CLIC5: variants seen among roughly 807,000 people sequenced by gnomAD.
CLIC5 encodes CLIC family member 5, also known as chloride intracellular channel protein 5.
In CLIC5, 20 loss-of-function variants were observed where a neutral mutation model predicts 24.7. The ratio of observed to expected loss-of-function variants is 0.81; its 90% CI spans 0.57 to 1.18. CLIC5 has a LOEUF of 1.18. Among genes scored for constraint, CLIC5 ranks in the 50% most tolerant of loss-of-function variants. The pLI is 0.00. For synonymous variants in CLIC5, 159 were observed against 135.6 expected (o/e 1.17, Z -1.20); for missense variants, 341 against 326.1 (o/e 1.05, Z -0.35).
intron 6 of CLIC5, among the ~76,000 whole-genome samples, chr6:45,886,363 A>G (rs9472602): frequency 0.83 from 126,686 of 152,218 alleles, 52,827 homozygotes; most frequent in East Asian, 0.94. Context: ...CACCCTGAGC[A>G]GCCCCACCCT....
intron 5 of CLIC5, among the ~76,000 whole-genome samples, chr6:45,910,419 A>G (rs533878058): frequency 4.0e-4 from 61 of 152,316 alleles, no homozygotes; most frequent in African/African-American, 1.4e-3. Context: ...TCTTATCTGT[A>G]CATCAGACAA....
intron 6 of CLIC5, among the ~76,000 whole-genome samples, chr6:45,889,952 G>C (rs1310214512): frequency 2.6e-5 from 4 of 152,148 alleles, no homozygotes; most frequent in African/African-American, 9.7e-5. Flanking sequence ...ACACTATATA[G>C]ATGTTACAAA....
chr6:45,927,943 T>G (rs4714890), intron 4 of CLIC5, among the ~76,000 whole-genome samples: 54,907 of 151,962 alleles, frequency 0.36, 10,123 homozygotes, highest in East Asian at 0.49. Context: ...TCAAATGTAT[T>G]CGCAAGGTAG....
chr6:45,999,732 G>GTTTTTT (rs1201850451), intron 1 of CLIC5, among the ~76,000 whole-genome samples: 12 of 50,850 alleles, frequency 2.4e-4, no homozygotes, highest in Admixed American at 5.0e-4. Flanking sequence ...CTTCCTTGTG[G>GTTTTTT]TTTTTTTTTT....
chr6:45,929,239 A>G lies in CLIC5; in HGVS notation c.406+12308T>C, dbSNP rs3777563. Reference sequence around the variant, plus strand: ...ATTTGTTAAATTATAAATTGGAAGCATCCACCTCAATAATGAACCAAATCA... The same window carrying G: ...ATTTGTTAAATTATAAATTGGAAGCGTCCACCTCAATAATGAACCAAATCA... On this transcript the variant is annotated intron_variant, in intron 4 of 5. Transcript: ENST00000339561. Among the ~76,000 whole-genome samples the G allele has an allele frequency of 7.4e-3, 1,129 of 152,320 alleles. 114 individuals carry two copies. In the East Asian group the frequency reaches 0.19, roughly 26 times the overall value.
At chr6:46,085,382 G>GT in the CLIC5 span, among the ~76,000 whole-genome samples, 5 of 152,118 alleles carry the variant, frequency 3.3e-5, no homozygotes, top group Admixed American at 2.0e-4. Context: ...TTTCTGCTCC[G>GT]TTTTTTCCCC....
chr6:46,102,807 C>G, the CLIC5 span: 1 of 152,094 alleles, frequency 6.6e-6, no homozygotes, highest in Admixed American at 6.5e-5. Context: ...TATGTAACGT[C>G]CCCTGATTCC....
chr6:45,933,992 G>A (rs1383045975), intron 4 of CLIC5, among the ~76,000 whole-genome samples: 1 of 152,158 alleles, frequency 6.6e-6, no homozygotes, highest in Non-Finnish European at 1.5e-5. Flanking sequence ...TCACAGGAGG[G>A]GAGAGCCAAA....
the CLIC5 span, among the ~76,000 whole-genome samples, chr6:46,101,028 G>A: frequency 1.2e-4 from 18 of 152,280 alleles, no homozygotes; most frequent in South Asian, 1.0e-3. Flanking sequence ...AAGAATTCCC[G>A]TGGAAACTTC....
At chr6:45,963,877 T>C (rs550135500) in intron 1 of CLIC5, among the ~76,000 whole-genome samples, 146 of 152,292 alleles carry the variant, frequency 9.6e-4, no homozygotes, top group African/African-American at 3.0e-3. Flanking sequence ...GTTATTACTA[T>C]TTTTCAAAAC....
intron 5 of CLIC5, among the ~76,000 whole-genome samples, chr6:45,909,022 G>A (rs1762738345): frequency 6.6e-6 from 1 of 150,770 alleles, no homozygotes; most frequent in South Asian, 2.1e-4. Flanking sequence ...TTACTATTAT[G>A]TAATGCCCTT....
At chr6:45,951,008 A>T (rs919207996) in intron 2 of CLIC5, among the ~76,000 whole-genome samples, 11 of 152,326 alleles carry the variant, frequency 7.2e-5, no homozygotes, top group East Asian at 5.8e-4. Context: ...AAGTAAATGC[A>T]ACTTCTGCTT....
the CLIC5 span, among the ~76,000 whole-genome samples, chr6:46,114,552 G>T: frequency 6.6e-6 from 1 of 152,080 alleles, no homozygotes; most frequent in Non-Finnish European, 1.5e-5. Context: ...TCCTGTATAG[G>T]TACTTGCCCT....
chr6:46,016,836 G>C (rs1306388968), upstream of CLIC5, among the ~76,000 whole-genome samples: 1 of 152,152 alleles, frequency 6.6e-6, no homozygotes, highest in Non-Finnish European at 1.5e-5. Flanking sequence ...TGGAATGTTG[G>C]TGTCTGGCTT....
At chr6:46,033,595 C>T (rs1413846969) in intron 1 of CLIC5, among the ~76,000 whole-genome samples, 1 of 152,218 alleles carries the variant, frequency 6.6e-6, no homozygotes, top group African/African-American at 2.4e-5. Flanking sequence ...AATGGGCCCA[C>T]ACATGGGAAG....
intron 4 of CLIC5, chr6:45,920,406 G>A (rs917327377): frequency 1.7e-6 from 1 of 589,898 alleles, no homozygotes; most frequent in African/African-American, 2.0e-5. Context: ...AATACCTGGA[G>A]CACTGAATGA....
intron 1 of CLIC5, among the ~76,000 whole-genome samples, chr6:46,006,410 C>T (rs1407237822): frequency 6.6e-6 from 1 of 151,686 alleles, no homozygotes; most frequent in Non-Finnish European, 1.5e-5. Flanking sequence ...TCCCAAAGTG[C>T]TGGGATTACA....
chr6:45,926,200 C>T (rs1763478807), intron 4 of CLIC5, among the ~76,000 whole-genome samples: 1 of 150,382 alleles, frequency 6.6e-6, no homozygotes, highest in Non-Finnish European at 1.5e-5. Context: ...CACATACACA[C>T]ACACACACAC....
At chr6:46,118,015 C>T in the CLIC5 span, among the ~76,000 whole-genome samples, 1 of 152,150 alleles carries the variant, frequency 6.6e-6, no homozygotes, top group East Asian at 1.9e-4. Flanking sequence ...TGCCTGGGTG[C>T]CTCCTGTGCA....
Sources: gnomAD v4.1 joint callset for allele counts (sites outside exome capture counted in the v4.1 genomes callset) on GRCh38, gnomAD v4.1.1 for gene constraint, MANE v1.5 for transcripts, NCBI Gene and HGNC (gene_info 2026-07-23, HGNC 2026-07-21) for gene names.